The following CDH18 variants were observed in gnomAD, a reference collection of about 807,000 sequenced individuals.
CDH18 encodes cadherin 18.
In CDH18, 31 loss-of-function variants were observed where a neutral mutation model predicts 67.9. The observed-to-expected ratio is 0.46, with a 90% CI of 0.34 to 0.62. The LOEUF is 0.62. CDH18 is among the 20% of genes least tolerant of loss of function. The pLI, the probability that CDH18 is intolerant of heterozygous loss-of-function variation, is 0.01. For missense variants in CDH18, 890 were observed against 975.5 expected (o/e 0.91, Z 1.17); for synonymous variants, 362 against 347.2 (o/e 1.04, Z -0.48).
intron 3 of CDH18, among the ~76,000 whole-genome samples, chr5:19,765,406 T>TA (rs1554027796): frequency 0.077 from 11,501 of 150,254 alleles, 472 homozygotes; most frequent in Non-Finnish European, 0.083. Flanking sequence ...ATTTTTTTTT[T>TA]AATAAAAAAG....
At chr5:20,446,395 C>T (rs1001431221) in intron 1 of CDH18, among the ~76,000 whole-genome samples, 1 of 152,008 alleles carries the variant, frequency 6.6e-6, no homozygotes, top group Non-Finnish European at 1.5e-5. Context: ...ATCTAACTAC[C>T]TAACAAACCC....
chr5:19,577,421 A>C (rs556908509), intron 7 of CDH18, among the ~76,000 whole-genome samples: 1 of 152,208 alleles, frequency 6.6e-6, no homozygotes, highest in African/African-American at 2.4e-5. Context: ...GGAACTTGTG[A>C]CTTTTTTATT....
At chr5:20,181,739 C>T (rs556732259) in intron 2 of CDH18, among the ~76,000 whole-genome samples, 3 of 152,116 alleles carry the variant, frequency 2.0e-5, no homozygotes, top group Admixed American at 6.6e-5. Context: ...GGCCTGCTTG[C>T]GTTAAAGCAT....
intron 1 of CDH18, among the ~76,000 whole-genome samples, chr5:20,441,940 C>T (rs1749639153): frequency 6.6e-6 from 1 of 151,868 alleles, no homozygotes; most frequent in East Asian, 1.9e-4. Context: ...AAATAAGGTT[C>T]CTACATCGAG....
intron 5 of CDH18, among the ~76,000 whole-genome samples, chr5:19,674,156 A>T (rs1040505723): frequency 6.6e-6 from 1 of 152,104 alleles, no homozygotes; most frequent in African/African-American, 2.4e-5. Flanking sequence ...AATAAGGACC[A>T]AACTTAATGG....
chr5:19,660,984 A>G (rs1422446412), intron 5 of CDH18, among the ~76,000 whole-genome samples: 2 of 152,032 alleles, frequency 1.3e-5, no homozygotes, highest in Non-Finnish European at 2.9e-5. Flanking sequence ...GTGAAAAAAA[A>G]AGAGAAAATT....
chr5:20,511,724 G>C (rs1755047719), intron 1 of CDH18, among the ~76,000 whole-genome samples: 1 of 152,146 alleles, frequency 6.6e-6, no homozygotes, highest in Admixed American at 6.5e-5. Flanking sequence ...AATAGAAGTG[G>C]TGATTGTGGA....
At chr5:20,135,469 A>T (rs1295415749) in intron 2 of CDH18, among the ~76,000 whole-genome samples, 1 of 151,006 alleles carries the variant, frequency 6.6e-6, no homozygotes, top group African/African-American at 2.4e-5. Context: ...CGTCTATTTG[A>T]TTCTTCTCCT....
At chr5:20,256,690 C>T (rs1242713075) in intron 1 of CDH18, among the ~76,000 whole-genome samples, 1 of 151,786 alleles carries the variant, frequency 6.6e-6, no homozygotes, top group Non-Finnish European at 1.5e-5. Context: ...GAAGATGTGT[C>T]AATGTTCATC....
In CDH18 at chr5:20,167,267, C is replaced by T. The variant is rs1037466678; in HGVS notation, c.-518+88177G>A. On this transcript the variant is annotated intron_variant, in intron 2 of 14. Transcript: ENST00000507958. ...CACCAAATAAATGCTTTTGTCCTCA[C>T]ATGGAAAGAATGTTGGCACAAAATA... Among the ~76,000 whole-genome samples the T allele has an allele frequency of 3.9e-5, 6 of 152,178 alleles. No homozygotes were observed. In the South Asian group the frequency reaches 1.0e-3, roughly 26 times the overall value.
chr5:20,176,280 T>G (rs750809796), intron 2 of CDH18, among the ~76,000 whole-genome samples: 1 of 152,314 alleles, frequency 6.6e-6, no homozygotes, highest in Middle Eastern at 3.4e-3. Flanking sequence ...TAAGGAATGT[T>G]ACCCTAACCA....
intron 5 of CDH18, among the ~76,000 whole-genome samples, chr5:19,675,171 C>T (rs542256747): frequency 7.2e-5 from 11 of 152,122 alleles, no homozygotes; most frequent in African/African-American, 2.4e-4. Context: ...AGATCACATG[C>T]TTCACAAGGT....
intron 5 of CDH18, among the ~76,000 whole-genome samples, chr5:19,697,764 A>G (rs1762725886): frequency 6.6e-6 from 1 of 152,202 alleles, no homozygotes; most frequent in Admixed American, 6.5e-5. Flanking sequence ...AATGACACCT[A>G]TGCCATTAAG....
At chr5:20,543,354 T>C (rs906508698) in intron 1 of CDH18, among the ~76,000 whole-genome samples, 1 of 152,106 alleles carries the variant, frequency 6.6e-6, no homozygotes, top group African/African-American at 2.4e-5. Context: ...TTCTATGTCA[T>C]TGTTTTTGTT....
chr5:19,820,514 A>T (rs1043651657), intron 3 of CDH18, among the ~76,000 whole-genome samples: 1 of 152,190 alleles, frequency 6.6e-6, no homozygotes, highest in African/African-American at 2.4e-5. Context: ...CCACTTGTAG[A>T]CATACCCCAC....
intron 2 of CDH18, among the ~76,000 whole-genome samples, chr5:20,075,968 T>G (rs1432532672): frequency 1.3e-5 from 2 of 152,180 alleles, no homozygotes; most frequent in Non-Finnish European, 2.9e-5. Flanking sequence ...CAGGATGAGG[T>G]ATGCCAAATT....
At chr5:20,468,280 C>A (rs561694986) in intron 1 of CDH18, among the ~76,000 whole-genome samples, 57 of 152,172 alleles carry the variant, frequency 3.7e-4, no homozygotes, top group African/African-American at 1.3e-3. Flanking sequence ...CCTCCCAAAG[C>A]ATTGGGATTA....
At chr5:19,794,540 C>T (rs1776663777) in intron 3 of CDH18, among the ~76,000 whole-genome samples, 1 of 152,148 alleles carries the variant, frequency 6.6e-6, no homozygotes, top group South Asian at 2.1e-4. Flanking sequence ...AACCAATTCC[C>T]ATAAATTGAT....
intron 1 of CDH18, among the ~76,000 whole-genome samples, chr5:20,290,972 G>T (rs1167920886): frequency 6.6e-6 from 1 of 152,122 alleles, no homozygotes; most frequent in Non-Finnish European, 1.5e-5. Flanking sequence ...AAAACTGGAT[G>T]CAAAGGTTCT....
Sources: allele counts gnomAD v4.1 joint callset (sites outside exome capture counted in the v4.1 genomes callset), GRCh38; gene constraint gnomAD v4.1.1; transcripts MANE v1.5; gene names NCBI Gene and HGNC (gene_info 2026-07-23, HGNC 2026-07-21).